CWC22: variants seen among roughly 807,000 people sequenced by gnomAD.
CWC22 encodes pre-mRNA-splicing factor CWC22 homolog.
CWC22 carries 53 observed loss-of-function variants against 117.2 expected under a neutral mutation model. The observed-to-expected ratio is 0.45, with a 90% CI of 0.36 to 0.57. The LOEUF (loss-of-function observed/expected upper bound fraction) is 0.57, where lower values mean the gene tolerates loss of function less well. CWC22 is among the 20% of genes least tolerant of loss of function. CWC22 has a pLI of 0.00. For synonymous variants in CWC22, 360 were observed against 355.6 expected (o/e 1.01, Z -0.14); for missense variants, 980 against 1,068.8 (o/e 0.92, Z 1.16).
At chr2:180,005,002 A>C (rs1211705968) in intron 1 of CWC22, among the ~76,000 whole-genome samples, 1 of 151,112 alleles carries the variant, frequency 6.6e-6, no homozygotes, top group Middle Eastern at 3.2e-3. Context: ...AATTGGCATG[A>C]GAACTACTCG....
rs751068671 is a variant in CWC22, at chr2:179,945,163, C to T, written c.2693G>A (p.Arg898Gln). The T allele has an allele frequency of 6.2e-5, 99 of 1,603,644 alleles. No homozygotes were observed. Among genetic ancestry groups the T allele is most frequent in the Non-Finnish European group, 7.6e-5 (89 of 1,177,214 alleles). The stretch of plus-strand genomic sequence containing the variant: ...TTTTGCTGGAGACTTTTCTCTTCGC[C>T]GGTCCTGATTTTTCTTTGATTCTCT... Reference protein sequence around the residue: ...QSRESKKNQDRRREKSPAKQK With the variant: ...QSRESKKNQDQRREKSPAKQK Residue 898 changes from arginine to glutamine, a missense_variant, in exon 20 of 20, where the codon CGG becomes CAG. Physicochemically the swap from Arg to Gln is conservative, Grantham distance 43. Transcript: ENST00000410053.
At chr2:179,985,195 C>G (rs1252231195) in intron 4 of CWC22, among the ~76,000 whole-genome samples, 1 of 152,008 alleles carries the variant, frequency 6.6e-6, no homozygotes, top group Non-Finnish European at 1.5e-5. Context: ...GCAACACCAC[C>G]TCATTAAAAA....
At position 179,993,430 on chromosome 2, in the gene CWC22, T is replaced by C. The variant is rs1441289778; in HGVS notation, c.-89A>G. The C allele has an allele frequency of 1.1e-6, 1 of 914,742 alleles. No homozygotes were observed. The highest frequency in any genetic ancestry group is 2.6e-5 in the East Asian group (1 of 37,940). 56.7% of individuals were successfully genotyped at this position (914,742 alleles called of 1,614,324 possible). ...CAATGCTCTGAATTCCTTGACAGTT[T>C]ACTTTTTCTGTCTGCAAACATCACC... On this transcript the variant is annotated 5_prime_UTR_variant, in exon 2 of 20. Coordinates refer to ENST00000410053, the MANE Select transcript of CWC22 (RefSeq NM_020943.3).
intron 6 of CWC22, among the ~76,000 whole-genome samples, chr2:179,974,170 A>T (rs1687100070): frequency 6.6e-6 from 1 of 152,190 alleles, no homozygotes; most frequent in South Asian, 2.1e-4. Context: ...CTGCTTCAAA[A>T]GTATAAAAGG....
At chr2:179,959,196 T>C in intron 13 of CWC22, 114 bp from the exon 14 acceptor site, 1 of 706,382 alleles carries the variant, frequency 1.4e-6, no homozygotes, top group South Asian at 1.9e-5. Flanking sequence ...TGTAATTTCA[T>C]ATTGTTGTAC....
intron 1 of CWC22, among the ~76,000 whole-genome samples, chr2:179,998,672 A>G (rs902449347): frequency 3.9e-5 from 6 of 152,176 alleles, no homozygotes; most frequent in Admixed American, 2.0e-4. Context: ...AGTTCCAGAT[A>G]GCAAAGACTG....
chr2:179,970,373 A>G (rs1687000539), intron 11 of CWC22, 128 bp downstream of exon 11: 1 of 1,023,718 alleles, frequency 9.8e-7, no homozygotes, highest in Admixed American at 3.2e-5. Context: ...GAAACAGCTA[A>G]GAGAATAACT....
chr2:179,973,137 C>A, intron 8 of CWC22, 56 bp downstream of exon 8: 1 of 1,151,050 alleles, frequency 8.7e-7, no homozygotes, highest in South Asian at 1.5e-5. Context: ...GAAGTGGCAT[C>A]AACCCTCTGG....
chr2:179,992,925 CTGTT>C (rs963666244), intron 2 of CWC22, among the ~76,000 whole-genome samples: 7 of 152,180 alleles, frequency 4.6e-5, no homozygotes, highest in Non-Finnish European at 7.4e-5. Flanking sequence ...TTTCCCTGCA[CTGTT>C]TGTTACTTGT....
chr2:180,006,658 C>G (rs1163082271), intron 1 of CWC22, among the ~76,000 whole-genome samples: 2 of 152,118 alleles, frequency 1.3e-5, no homozygotes, highest in East Asian at 3.9e-4. Flanking sequence ...TCATTAATCC[C>G]ACTCCCCTGA....
intron 17 of CWC22, among the ~76,000 whole-genome samples, chr2:179,951,480 C>T (rs1686447272): frequency 6.6e-6 from 1 of 151,872 alleles, no homozygotes; most frequent in Non-Finnish European, 1.5e-5. Context: ...GTTTTCAGCA[C>T]CACACTGAGT....
At position 179,991,687 on chromosome 2, in the gene CWC22, A is replaced by G. The variant is rs144378020; in HGVS notation, c.27+1628T>C. On this transcript the variant is annotated intron_variant, in intron 2 of 19. Transcript: ENST00000410053. Reference sequence around the variant, plus strand: ...AAAGATCTGAGCGCTCTTGTCTAACATGGCTCTGTCAAGAGCCAGTTCTGT... The same window carrying G: ...AAAGATCTGAGCGCTCTTGTCTAACGTGGCTCTGTCAAGAGCCAGTTCTGT... Among the ~76,000 whole-genome samples the G allele has an allele frequency of 3.1e-3, 469 of 152,300 alleles. 3 individuals are homozygous for G. Among genetic ancestry groups the G allele is most frequent in the African/African-American group, 0.011 (455 of 41,560 alleles).
chr2:179,957,964 T>C (rs1230935099), intron 14 of CWC22, among the ~76,000 whole-genome samples: 1 of 152,096 alleles, frequency 6.6e-6, no homozygotes, highest in Non-Finnish European at 1.5e-5. Flanking sequence ...GTGAGTCCCA[T>C]GGAGCCAAGA....
intron 13 of CWC22, among the ~76,000 whole-genome samples, chr2:179,960,813 C>T (rs567537568): frequency 4.6e-5 from 7 of 152,076 alleles, no homozygotes; most frequent in Admixed American, 1.3e-4. Flanking sequence ...ATGTATATCA[C>T]GTGCTTAGAG....
chr2:179,981,978 G>T lies in CWC22; in HGVS notation c.226C>A (p.Arg76Ser). 2 of 1,540,078 alleles carry T rather than the reference G, an allele frequency of 1.3e-6. No individual in the cohort carries two copies. The highest frequency in any genetic ancestry group is 1.8e-6 in the Non-Finnish European group (2 of 1,136,826). The change falls in exon 5 of 20, where the codon CGC becomes AGC. Residue 76 changes from arginine to serine, a missense_variant. Physicochemically the swap from Arg to Ser is moderately radical, Grantham distance 110. Around this residue, in one of 3 missense-constraint regions of CWC22, gnomAD observed 559 missense variants for 602.3 expected, o/e 0.93. Coordinates refer to ENST00000410053, the MANE Select transcript of CWC22 (RefSeq NM_020943.3). ...MESRNRDREK[R>S]RERERDTDRK... Reference sequence around the variant, plus strand: ...TCCGTATCTCTTTCTCTTTCTCTGCGTTTTTCTCGGTCCCTGTTTCTGTAA... The same window carrying T: ...TCCGTATCTCTTTCTCTTTCTCTGCTTTTTTCTCGGTCCCTGTTTCTGTAA...
At chr2:179,971,703 G>A (rs1380402641) in intron 8 of CWC22, among the ~76,000 whole-genome samples, 7 of 152,202 alleles carry the variant, frequency 4.6e-5, no homozygotes, top group Non-Finnish European at 8.8e-5. Context: ...GCCAGGAAGA[G>A]TGGGAATAAA....
chr2:179,960,877 G>A (rs1266575630), intron 13 of CWC22, among the ~76,000 whole-genome samples: 6 of 152,026 alleles, frequency 3.9e-5, no homozygotes, highest in South Asian at 4.1e-4. Context: ...AAGTTTCTCT[G>A]CTTACATTAA....
intron 1 of CWC22, among the ~76,000 whole-genome samples, chr2:180,001,124 TTACAG>T (rs1304747864): frequency 2.0e-5 from 3 of 152,182 alleles, no homozygotes; most frequent in Admixed American, 6.5e-5. Context: ...GTCTCTTGAT[TTACAG>T]TACAGTATTG....
chr2:179,963,585 G>A (rs1395201688), intron 13 of CWC22, among the ~76,000 whole-genome samples: 2 of 151,378 alleles, frequency 1.3e-5, no homozygotes, highest in African/African-American at 4.8e-5. Context: ...CTCGTGATCC[G>A]CCCGCCTCGG....
Sources: gnomAD v4.1 joint callset for allele counts (sites outside exome capture counted in the v4.1 genomes callset) on GRCh38, gnomAD v4.1.1 for gene constraint, gnomAD v4.1.1 regional missense constraint, MANE v1.5 for transcripts, NCBI Gene and HGNC (gene_info 2026-07-23, HGNC 2026-07-21) for gene names.